Variants in IMMP2L observed in about 807,000 individuals in gnomAD.
IMMP2L encodes mitochondrial inner membrane protease subunit 2.
In IMMP2L, 18 loss-of-function variants were observed where a neutral mutation model predicts 19.3. That is an observed-to-expected ratio of 0.93 (90% CI 0.64 to 1.38). The LOEUF is 1.38. Among genes scored for constraint, IMMP2L ranks in the 40% most tolerant of loss-of-function variants. The pLI is 0.00. For missense variants in IMMP2L, 233 were observed against 218.2 expected, an observed-to-expected ratio of 1.07 and a Z score of -0.43; for synonymous variants, 76 against 73.0, an observed-to-expected ratio of 1.04 and a Z score of -0.21.
intron 3 of IMMP2L, among the ~76,000 whole-genome samples, chr7:110,968,735 C>A (rs899544320): frequency 4.6e-5 from 7 of 152,102 alleles, no homozygotes; most frequent in African/African-American, 1.4e-4. Flanking sequence ...GCTTGTTTCA[C>A]AAATGTGTAG....
chr7:111,134,697 T>G (rs1802167489), intron 3 of IMMP2L, among the ~76,000 whole-genome samples: 1 of 152,130 alleles, frequency 6.6e-6, no homozygotes, highest in African/African-American at 2.4e-5. Flanking sequence ...AATAATGTTT[T>G]GTTTGAAAAA....
At chr7:110,920,485 T>TTGAAAG (rs1814144411) in intron 4 of IMMP2L, among the ~76,000 whole-genome samples, 1 of 152,216 alleles carries the variant, frequency 6.6e-6, no homozygotes, top group African/African-American at 2.4e-5. Context: ...TTTAAAGTTT[T>TTGAAAG]TGAAAGTGAT....
At chr7:110,687,335 C>T (rs537200339) in intron 5 of IMMP2L, among the ~76,000 whole-genome samples, 19 of 152,128 alleles carry the variant, frequency 1.2e-4, no homozygotes, top group African/African-American at 2.4e-4. Context: ...GCTTATTTAT[C>T]GTTATTTATA....
intron 3 of IMMP2L, among the ~76,000 whole-genome samples, chr7:111,066,412 T>C (rs1794503427): frequency 6.6e-6 from 1 of 152,056 alleles, no homozygotes; most frequent in Non-Finnish European, 1.5e-5. Context: ...AATATGAAAA[T>C]ATTAACAATA....
intron 3 of IMMP2L, among the ~76,000 whole-genome samples, chr7:111,202,447 C>T (rs576146407): frequency 6.6e-6 from 1 of 152,128 alleles, no homozygotes; most frequent in Non-Finnish European, 1.5e-5. Flanking sequence ...CCCATGGAGG[C>T]CTATCATTTA....
intron 4 of IMMP2L, among the ~76,000 whole-genome samples, chr7:110,887,073 A>G (rs1192844037): frequency 6.6e-6 from 1 of 152,036 alleles, no homozygotes; most frequent in East Asian, 1.9e-4. Context: ...AACTTTTTCA[A>G]CTGATTCATG....
intron 3 of IMMP2L, among the ~76,000 whole-genome samples, chr7:111,111,254 C>T (rs1481677850): frequency 7.0e-6 from 1 of 143,284 alleles, no homozygotes; most frequent in South Asian, 2.2e-4. Flanking sequence ...TGCAAAAAGA[C>T]GCTTATGTGG....
chr7:111,040,298 G>A (rs1490523892), intron 3 of IMMP2L, among the ~76,000 whole-genome samples: 1 of 152,152 alleles, frequency 6.6e-6, no homozygotes, highest in Non-Finnish European at 1.5e-5. Flanking sequence ...TCTTTAAATA[G>A]ATATGGAGTT....
At chr7:111,359,415 C>G (rs755249325) in intron 3 of IMMP2L, among the ~76,000 whole-genome samples, 1 of 152,030 alleles carries the variant, frequency 6.6e-6, no homozygotes, top group Non-Finnish European at 1.5e-5. Context: ...GATTCTCCTG[C>G]CTCAGCCTCC....
chr7:111,442,218 C>T (rs143549913), intron 3 of IMMP2L, among the ~76,000 whole-genome samples: 6 of 151,926 alleles, frequency 3.9e-5, no homozygotes, highest in African/African-American at 1.2e-4. Flanking sequence ...GCGTTCACTG[C>T]AAAGTAGGGA....
chr7:110,712,899 G>A lies in IMMP2L; in HGVS notation c.409-49178C>T, dbSNP rs559629168. 3.1e-3 allele frequency among the ~76,000 whole-genome samples: 436 copies of A among 140,354 alleles called. 2 individuals are homozygous for A. The highest frequency in any genetic ancestry group is 0.011 in the African/African-American group (413 of 36,404). The allele number at this position is 140,354 out of a possible 152,430, so 92.1% of individuals were successfully genotyped here. A position where few individuals can be genotyped will look rare whatever the true frequency, so the allele number is the denominator to read the frequency against. ...ACAGTGCGCACACACACTGGCCTGC[G>A]CACACTGTCTGGCACTCCCTGGTGA... On this transcript the variant is annotated intron_variant, in intron 5 of 5. Transcript: ENST00000405709.
chr7:110,943,936 A>G (rs750511221), intron 4 of IMMP2L, among the ~76,000 whole-genome samples: 6 of 152,026 alleles, frequency 3.9e-5, no homozygotes, highest in Non-Finnish European at 7.3e-5. Context: ...TGAAAAACTA[A>G]TGTTCAGCAA....
chr7:111,472,185 C>G (rs935764087), intron 3 of IMMP2L, among the ~76,000 whole-genome samples: 6 of 151,902 alleles, frequency 3.9e-5, no homozygotes, highest in Non-Finnish European at 8.8e-5. Context: ...TTACTTTGGG[C>G]ATGTATATAT....
intron 4 of IMMP2L, among the ~76,000 whole-genome samples, chr7:110,936,624 T>C (rs1444812416): frequency 1.3e-5 from 2 of 152,128 alleles, no homozygotes; most frequent in Non-Finnish European, 2.9e-5. Context: ...AGTTCAACCA[T>C]TGTGGAAGAC....
At chr7:110,740,710 C>T (rs112698197) in intron 5 of IMMP2L, among the ~76,000 whole-genome samples, 22,698 of 151,868 alleles carry the variant, frequency 0.15, 1,908 homozygotes, top group South Asian at 0.31. Context: ...CAGTGCAACA[C>T]CACCTCACTC....
At chr7:111,449,015 G>C (rs889990301) in intron 3 of IMMP2L, among the ~76,000 whole-genome samples, 1 of 151,404 alleles carries the variant, frequency 6.6e-6, no homozygotes, top group South Asian at 2.1e-4. Flanking sequence ...CCAGGAAGAA[G>C]TTGAATCTCT....
chr7:111,294,175 A>T (rs1821393260), intron 3 of IMMP2L, among the ~76,000 whole-genome samples: 1 of 151,926 alleles, frequency 6.6e-6, no homozygotes, highest in Non-Finnish European at 1.5e-5. Context: ...TTCTTTACCC[A>T]TAGTCATATG....
chr7:111,210,383 A>T (rs214459), intron 3 of IMMP2L, among the ~76,000 whole-genome samples: 1 of 151,900 alleles, frequency 6.6e-6, no homozygotes, highest in East Asian at 1.9e-4. Context: ...TAAACTTACA[A>T]TTGCAAAAAC....
At chr7:111,465,408 T>G (rs1046478838) in intron 3 of IMMP2L, among the ~76,000 whole-genome samples, 1 of 151,086 alleles carries the variant, frequency 6.6e-6, no homozygotes, top group Non-Finnish European at 1.5e-5. Flanking sequence ...AAATGGTCCT[T>G]AATAGTGATT....
Sources: gnomAD v4.1 joint callset for allele counts (sites outside exome capture counted in the v4.1 genomes callset) on GRCh38, gnomAD v4.1.1 for gene constraint, MANE v1.5 for transcripts, NCBI Gene and HGNC (gene_info 2026-07-23, HGNC 2026-07-21) for gene names.